GRID2: variants seen among roughly 807,000 people sequenced by gnomAD.
GRID2 encodes glutamate ionotropic receptor delta type subunit 2.
In GRID2, 33 loss-of-function variants were observed where a neutral mutation model predicts 114.8. The observed-to-expected ratio is 0.29, with a 90% CI of 0.22 to 0.38. GRID2 has a LOEUF of 0.38. GRID2 is among the 10% of genes least tolerant of loss of function. The pLI, the probability that GRID2 is intolerant of heterozygous loss-of-function variation, is 1.00. For missense variants in GRID2, 1,184 were observed against 1,257.7 expected (o/e 0.94, Z 0.89); for synonymous variants, 505 against 449.9 (o/e 1.12, Z -1.55).
chr4:92,996,344 GCTA>G (rs1560780044), intron 2 of GRID2, among the ~76,000 whole-genome samples: 1 of 151,554 alleles, frequency 6.6e-6, no homozygotes, highest in Non-Finnish European at 1.5e-5. Context: ...TTCGATGTTT[GCTA>G]CTAAAAGGTT....
At chr4:92,350,752 G>A (rs1294087023) in intron 1 of GRID2, among the ~76,000 whole-genome samples, 1 of 151,700 alleles carries the variant, frequency 6.6e-6, no homozygotes, top group Non-Finnish European at 1.5e-5. Context: ...ACATAGAGTT[G>A]TGTAACCATT....
At chr4:92,761,288 T>G (rs1737998565) in intron 2 of GRID2, among the ~76,000 whole-genome samples, 1 of 152,200 alleles carries the variant, frequency 6.6e-6, no homozygotes, top group African/African-American at 2.4e-5. Context: ...TAAGTCCTTT[T>G]GCATAGGTTG....
intron 2 of GRID2, among the ~76,000 whole-genome samples, chr4:92,875,611 T>C (rs991418232): frequency 7.2e-5 from 11 of 152,138 alleles, no homozygotes; most frequent in African/African-American, 1.2e-4. Context: ...AATATTATTT[T>C]GAAGAAAATA....
At chr4:93,182,908 A>G (rs914337863) in intron 4 of GRID2, among the ~76,000 whole-genome samples, 2 of 152,214 alleles carry the variant, frequency 1.3e-5, no homozygotes, top group Non-Finnish European at 2.9e-5. Flanking sequence ...ACCAGCCCAG[A>G]CCTACTGAAT....
At chr4:93,336,804 T>C (rs968677507) in intron 8 of GRID2, among the ~76,000 whole-genome samples, 93 of 152,216 alleles carry the variant, frequency 6.1e-4, no homozygotes, top group Non-Finnish European at 5.6e-4. Context: ...TTATATTACA[T>C]TAACCCTTAC....
intron 13 of GRID2, among the ~76,000 whole-genome samples, chr4:93,624,358 A>G (rs1235880057): frequency 6.6e-6 from 1 of 152,108 alleles, no homozygotes; most frequent in African/African-American, 2.4e-5. Context: ...CATAGGATAA[A>G]GTTGTTACAA....
intron 13 of GRID2, among the ~76,000 whole-genome samples, chr4:93,551,021 TA>T (rs1473463163): frequency 1.6e-4 from 24 of 152,290 alleles, no homozygotes; most frequent in African/African-American, 5.5e-4. Flanking sequence ...TGGGGGAAAA[TA>T]ACTTAGACTT....
intron 1 of GRID2, among the ~76,000 whole-genome samples, chr4:92,409,467 A>T (rs984230340): frequency 6.6e-6 from 1 of 152,074 alleles, no homozygotes; most frequent in Non-Finnish European, 1.5e-5. Context: ...TTACTTTCTG[A>T]TAGATTATGT....
At chr4:93,234,125 T>C (rs993352768) in intron 7 of GRID2, among the ~76,000 whole-genome samples, 8 of 152,084 alleles carry the variant, frequency 5.3e-5, no homozygotes, top group Non-Finnish European at 1.0e-4. Flanking sequence ...AAATATAAGG[T>C]AGCCTTTTTA....
chr4:93,534,977 G>C (rs1053719618), intron 13 of GRID2, among the ~76,000 whole-genome samples: 26 of 151,038 alleles, frequency 1.7e-4, no homozygotes, highest in African/African-American at 6.1e-4. Context: ...TCTTTTAAAT[G>C]AAAGTAAAAT....
intron 2 of GRID2, among the ~76,000 whole-genome samples, chr4:92,917,144 G>A (rs183717888): frequency 2.3e-4 from 35 of 152,118 alleles, no homozygotes; most frequent in Middle Eastern, 3.4e-3. Context: ...GTCTTTTGGC[G>A]GAATAAATGT....
At chr4:92,581,351 A>C (rs1728178482) in intron 1 of GRID2, among the ~76,000 whole-genome samples, 1 of 152,036 alleles carries the variant, frequency 6.6e-6, no homozygotes, top group African/African-American at 2.4e-5. Flanking sequence ...ACATGAAATT[A>C]TTTTAAAAAT....
chr4:92,621,105 A>G (rs1325330317), intron 2 of GRID2, among the ~76,000 whole-genome samples: 1 of 151,744 alleles, frequency 6.6e-6, no homozygotes, highest in East Asian at 1.9e-4. Context: ...GGCTTGTTAC[A>G]TAGGTAAACA....
rs115077369 is a variant in GRID2, at chr4:93,088,156, G to C, written c.529+2877G>C. Among the ~76,000 whole-genome samples the C allele has an allele frequency of 2.0e-3, 299 of 152,094 alleles. 2 individuals are homozygous for C. Among genetic ancestry groups the C allele is most frequent in the African/African-American group, 7.1e-3 (294 of 41,506 alleles). ...TTCAAAAGCAGTTAATTATAATTAA[G>C]GGCAAAATATAAATGTCTACTTTAA... On this transcript the variant is annotated intron_variant, in intron 3 of 15. Transcript: ENST00000282020.
chr4:92,412,015 C>T (rs1731361888), intron 1 of GRID2, among the ~76,000 whole-genome samples: 1 of 151,794 alleles, frequency 6.6e-6, no homozygotes, highest in African/African-American at 2.4e-5. Flanking sequence ...TTTCTATCTC[C>T]TTCATATTTT....
intron 1 of GRID2, among the ~76,000 whole-genome samples, chr4:92,347,642 G>C (rs542948710): frequency 2.9e-4 from 44 of 152,108 alleles, no homozygotes; most frequent in Non-Finnish European, 5.4e-4. Context: ...TAATAGTATT[G>C]AGATCTAAAA....
At chr4:93,435,094 A>G (rs1488661031) in intron 10 of GRID2, among the ~76,000 whole-genome samples, 1 of 151,590 alleles carries the variant, frequency 6.6e-6, no homozygotes, top group African/African-American at 2.4e-5. Flanking sequence ...AACACTTACA[A>G]TTATTTTATT....
chr4:92,409,993 T>C (rs1470820482), intron 1 of GRID2, among the ~76,000 whole-genome samples: 1 of 152,194 alleles, frequency 6.6e-6, no homozygotes, highest in Admixed American at 6.5e-5. Flanking sequence ...TGGAGTAGTC[T>C]CTCTAGTTTG....
chr4:92,378,628 C>A (rs1729467679), intron 1 of GRID2, among the ~76,000 whole-genome samples: 1 of 151,994 alleles, frequency 6.6e-6, no homozygotes, highest in African/African-American at 2.4e-5. Context: ...ACACACTTTA[C>A]CCATTAACAT....
Sources: allele counts gnomAD v4.1 joint callset (sites outside exome capture counted in the v4.1 genomes callset), GRCh38; gene constraint gnomAD v4.1.1; transcripts MANE v1.5; gene names NCBI Gene and HGNC (gene_info 2026-07-23, HGNC 2026-07-21).